GART: variants seen among roughly 807,000 people sequenced by gnomAD.
GART encodes phosphoribosylglycinamide formyltransferase, phosphoribosylglycinamide synthetase, phosphoribosylaminoimidazole synthetase.
A neutral mutation model predicts 107.2 loss-of-function variants in GART; 43 were observed. The observed-to-expected ratio is 0.40, with a 90% CI of 0.31 to 0.52. The LOEUF is 0.52. Among genes scored for constraint, GART ranks in the 20% least tolerant of loss-of-function variants. The probability of loss-of-function intolerance (pLI) is 0.52; values close to 1 mark genes in which losing one functional copy is unlikely to be tolerated. For synonymous variants in GART, 434 were observed against 427.0 expected (o/e 1.02, Z -0.20); for missense variants, 1,107 against 1,206.5 (o/e 0.92, Z 1.22).
chr21:33,505,436 C>A, intron 20 of GART, 125 bp downstream of exon 20: 2 of 688,596 alleles, frequency 2.9e-6, no homozygotes, highest in Admixed American at 6.4e-5. Context: ...AATAAAATAT[C>A]ACAGTCAAAC....
chr21:33,533,023 A>C (rs930027885), intron 4 of GART, among the ~76,000 whole-genome samples: 9 of 152,216 alleles, frequency 5.9e-5, no homozygotes, highest in Non-Finnish European at 1.0e-4. Flanking sequence ...TGAAAGGAAA[A>C]CATAACCAGG....
intron 20 of GART, 78 bp downstream of exon 20, chr21:33,505,483 G>GTT: frequency 7.7e-7 from 1 of 1,292,474 alleles, no homozygotes; most frequent in African/African-American, 1.5e-5. Flanking sequence ...TCACTACTGG[G>GTT]ATTGTTTGGC....
intron 18 of GART, among the ~76,000 whole-genome samples, chr21:33,508,206 T>C (rs1193764392): frequency 6.6e-6 from 1 of 152,158 alleles, no homozygotes; most frequent in Non-Finnish European, 1.5e-5. Context: ...TCTAGCATTG[T>C]AGTAGAAACA....
intron 18 of GART, among the ~76,000 whole-genome samples, chr21:33,506,890 T>G (rs2084691901): frequency 6.6e-6 from 1 of 152,114 alleles, no homozygotes; most frequent in Non-Finnish European, 1.5e-5. Context: ...TTAAAATGGC[T>G]TTTATCCAAA....
At position 33,505,546 on chromosome 21, in the gene GART, A is replaced by G; in HGVS notation, c.2725+15T>C. ...AATTGATTTCCCAATGTGATGTCAAATAATTTTTGCTTACCATTCCACTTT... is the reference window on the plus strand; with the variant it reads ...AATTGATTTCCCAATGTGATGTCAAGTAATTTTTGCTTACCATTCCACTTT... On this transcript the variant is annotated intron_variant, in intron 20 of 21. Transcript: ENST00000381815. 6.3e-7 allele frequency: 1 copy of G among 1,580,246 alleles called. No individual in the cohort carries two copies. The highest frequency in any genetic ancestry group is 8.6e-7 in the Non-Finnish European group (1 of 1,165,332).
At chr21:33,520,281 C>T (rs2084946944) in intron 14 of GART, 83 bp downstream of exon 14, 1 of 1,169,096 alleles carries the variant, frequency 8.6e-7, no homozygotes, top group African/African-American at 1.5e-5. Context: ...TTGCTAGCTA[C>T]ATTGGCACTG....
chr21:33,542,073 G>A lies in GART; in HGVS notation c.-50C>T, dbSNP rs1249519912. ...GGAGGGGGTTTACGCACCGACACCG[G>A]GTGGCCACCTGGTTCCCGCTTGCCC... On this transcript the variant is annotated 5_prime_UTR_variant, in exon 1 of 22. Coordinates refer to ENST00000381815, the MANE Select transcript of GART (RefSeq NM_000819.5). The A allele has an allele frequency of 6.6e-6, 1 of 152,236 alleles. No homozygotes were observed. The highest frequency in any genetic ancestry group is 2.4e-5 in the African/African-American group (1 of 41,450). The allele number at this position is 152,236 out of a possible 1,614,324, so 9.4% of individuals were successfully genotyped here.
At chr21:33,515,948 G>A (rs531574029) in intron 16 of GART, among the ~76,000 whole-genome samples, 2 of 151,702 alleles carry the variant, frequency 1.3e-5, no homozygotes, top group African/African-American at 2.4e-5. Flanking sequence ...CCAGTGTCAC[G>A]TTAAAATCCT....
Position 33,530,791 on chromosome 21 carries a change from C to T in GART, c.691G>A (p.Gly231Arg). 1 of 1,520,692 alleles carries T rather than the reference C, an allele frequency of 6.6e-7. No homozygotes were observed. 94.2% of individuals were successfully genotyped at this position (1,520,692 alleles called of 1,614,324 possible). A position where few individuals can be genotyped will look rare whatever the true frequency, so the allele number is the denominator to read the frequency against. The change falls in exon 7 of 22, where the codon GGG becomes AGG. Residue 231 changes from glycine (G) to arginine (R), a missense_variant. Physicochemically the swap from Gly to Arg is moderately radical, Grantham distance 125 (BLOSUM62 -2). Coordinates refer to ENST00000381815, the MANE Select transcript of GART (RefSeq NM_000819.5). ...GCTGGACAATAGGCTCCCATTCCCCCTGTGTTAGGGCCACCATCTCCCTCC... is the reference window on the plus strand; with the variant it reads ...GCTGGACAATAGGCTCCCATTCCCCTTGTGTTAGGGCCACCATCTCCCTCC... ...LLEGDGGPNT[G>R]GMGAYCPAPQ...
In GART at chr21:33,528,601, ATACC is replaced by A; in HGVS notation, c.812-1_814del. 6.6e-7 allele frequency: 1 copy of A among 1,522,024 alleles called. No homozygotes were observed. Among genetic ancestry groups the A allele is most frequent in the Non-Finnish European group, 8.8e-7 (1 of 1,132,912 alleles). 94.3% of individuals were successfully genotyped at this position (1,522,024 alleles called of 1,614,324 possible). A position where few individuals can be genotyped will look rare whatever the true frequency, so the allele number is the denominator to read the frequency against. ...GGTCAGCATTATTCCAGCATAGAGA[ATACC>A]TTCATTAAAAAAGAAAAAAAAAAAA... is the stretch of plus-strand genomic sequence containing the variant. On this transcript the variant is annotated splice_acceptor_variant and coding_sequence_variant, in exon 9 of 22. Transcript: ENST00000381815. LOFTEE classifies it high-confidence loss of function.
chr21:33,517,457 A>G lies in GART; in HGVS notation c.1854T>C (p.Gly618=), dbSNP rs772416090. 2.5e-6 allele frequency: 4 copies of G among 1,614,202 alleles called. No individual in the cohort carries two copies. The highest frequency in any genetic ancestry group is 3.4e-6 in the Non-Finnish European group (4 of 1,180,048). The change falls in exon 15 of 22, where the codon GGT becomes GGC. Residue 618 remains glycine (G), a synonymous_variant. Coordinates refer to ENST00000381815, the MANE Select transcript of GART (RefSeq NM_000819.5). ...CAAGGCTAAATCCATTGCTATGAAG[A>G]CCAGATGAAGCTATTCCAACAACAA... is the stretch of plus-strand genomic sequence containing the variant. ...GDVVVGIASS[G]LHSNGFSLVR...
intron 1 of GART, among the ~76,000 whole-genome samples, chr21:33,540,322 T>C (rs890162621): frequency 6.6e-6 from 1 of 152,232 alleles, no homozygotes; most frequent in African/African-American, 2.4e-5. Context: ...TCGCTTTCAA[T>C]AAAACTTTAT....
chr21:33,537,256 C>A (rs1040475389), intron 2 of GART, among the ~76,000 whole-genome samples: 3 of 152,214 alleles, frequency 2.0e-5, no homozygotes, highest in Admixed American at 2.0e-4. Context: ...ACAAATATCT[C>A]ACCCGTAGAA....
Position 33,531,503 on chromosome 21 carries a change from C to G in GART, c.583G>C (p.Gly195Arg). ...ETIVIEELLD[G>R]EEVSCLCFTD... ...AATATACATACCGACACCTCTTCTC[C>G]GTCAAGAAGTTCTTCAATGACAATT... Residue 195 changes from glycine (G) to arginine (R), a missense_variant, in exon 6 of 22, where the codon GGA (glycine) becomes CGA (arginine). Gly to Arg is a moderately radical substitution (Grantham distance 125). Coordinates refer to ENST00000381815, the MANE Select transcript of GART (RefSeq NM_000819.5). The G allele has an allele frequency of 6.2e-7, 1 of 1,612,836 alleles. No homozygotes were observed.
chr21:33,514,975 T>C (rs1404739534), intron 16 of GART, among the ~76,000 whole-genome samples: 4 of 152,224 alleles, frequency 2.6e-5, no homozygotes, highest in Admixed American at 2.6e-4. Flanking sequence ...TCTACTCACC[T>C]CTATCACTCT....
At position 33,524,887 on chromosome 21, in the gene GART, C is replaced by G. The variant is rs142020936; in HGVS notation, c.1180G>C (p.Glu394Gln). 1.7e-4 allele frequency: 275 copies of G among 1,614,070 alleles called. No homozygotes were observed. Among genetic ancestry groups the G allele is most frequent in the Non-Finnish European group, 2.2e-4 (263 of 1,180,034 alleles). ...TCCTCAAGGGCTGATATGAGATTTTCCCGGATGGCTGTGACTGCAAGAACT... is the reference window on the plus strand; with the variant it reads ...TCCTCAAGGGCTGATATGAGATTTTGCCGGATGGCTGTGACTGCAAGAACT... ...GRVLAVTAIR[E>Q]NLISALEEAK... The change falls in exon 11 of 22, where the codon GAA becomes CAA. Residue 394 changes from glutamate (E) to glutamine (Q), a missense_variant. Physicochemically the swap from Glu to Gln is conservative, Grantham distance 29. Coordinates refer to ENST00000381815, the MANE Select transcript of GART (RefSeq NM_000819.5).
intron 5 of GART, 178 bp from the exon 6 acceptor site, chr21:33,531,735 G>A: frequency 1.7e-6 from 1 of 587,164 alleles, no homozygotes; most frequent in Non-Finnish European, 3.0e-6. Context: ...TATTTTTAAT[G>A]TGGCAATAGT....
chr21:33,539,789 TG>T (rs1416746208), intron 1 of GART, among the ~76,000 whole-genome samples: 2 of 152,124 alleles, frequency 1.3e-5, no homozygotes, highest in African/African-American at 4.8e-5. Flanking sequence ...TTTGAAAAAC[TG>T]GGATTCATAA....
chr21:33,528,936 A>G lies in GART; in HGVS notation c.725T>C (p.Val242Ala). Residue 242 changes from valine to alanine, a missense_variant and splice_region_variant, in exon 8 of 22, where the codon GTT (valine) becomes GCT (alanine). Val to Ala is a moderately conservative substitution (Grantham distance 64, BLOSUM62 0). Coordinates refer to ENST00000381815, the MANE Select transcript of GART (RefSeq NM_000819.5). ...AATTTTTAGTAATAGATCATTAGAAACCTGGAGAACGTGCAGAAACAGTTA... is the reference window on the plus strand; with the variant it reads ...AATTTTTAGTAATAGATCATTAGAAGCCTGGAGAACGTGCAGAAACAGTTA... ...GMGAYCPAPQVSNDLLLKIKD... is the reference protein window; with the variant it reads ...GMGAYCPAPQASNDLLLKIKD... The G allele has an allele frequency of 6.2e-7, 1 of 1,603,628 alleles. No individual in the cohort carries two copies. The highest frequency in any genetic ancestry group is 8.5e-7 in the Non-Finnish European group (1 of 1,170,634).
Sources: gnomAD v4.1 joint callset for allele counts (sites outside exome capture counted in the v4.1 genomes callset) on GRCh38, gnomAD v4.1.1 for gene constraint, MANE v1.5 for transcripts, NCBI Gene and HGNC (gene_info 2026-07-23, HGNC 2026-07-21) for gene names.